Variants in UGT1A8 observed in about 807,000 individuals in gnomAD.
UGT1A8 encodes the protein UDP glucuronosyltransferase family 1 member A8.
In UGT1A8, 39 loss-of-function variants were observed where a neutral mutation model predicts 45.3. That is an observed-to-expected ratio of 0.86 (90% CI 0.67 to 1.12). The LOEUF (loss-of-function observed/expected upper bound fraction) is 1.12, where lower values mean the gene tolerates loss of function less well. Among genes scored for constraint, UGT1A8 ranks in the 50% most tolerant of loss-of-function variants. UGT1A8 has a pLI of 0.00. For missense variants in UGT1A8, 719 were observed against 664.9 expected (o/e 1.08, Z -0.90); for synonymous variants, 275 against 249.2 (o/e 1.10, Z -0.97).
Position 233,737,047 on chromosome 2 carries a change from C to G in UGT1A8, c.856-29987C>G, listed in dbSNP as rs559935020. On this transcript the variant is annotated intron_variant, in intron 1 of 4. Coordinates refer to ENST00000373450, the MANE Select transcript of UGT1A8 (RefSeq NM_019076.5). ...CCATTCTCAGAGCTCAAATGCCATA[C>G]TAGGAGAACGAGTGCTCTCTTCAGA... Among the ~76,000 whole-genome samples the G allele has an allele frequency of 2.6e-4, 39 of 152,330 alleles. No homozygotes were observed. In the South Asian group the frequency reaches 7.7e-3, roughly 30 times the overall value.
chr2:233,751,854 T>C (rs1435480079), intron 1 of UGT1A8, among the ~76,000 whole-genome samples: 3 of 152,196 alleles, frequency 2.0e-5, no homozygotes, highest in Non-Finnish European at 4.4e-5. Context: ...TAAACCTTTG[T>C]CTTTTATAAA....
chr2:233,713,041 T>C (rs2076272665), intron 1 of UGT1A8: 1 of 1,614,036 alleles, frequency 6.2e-7, no homozygotes, highest in South Asian at 1.1e-5. Flanking sequence ...ACAGGACTGC[T>C]GCTTCTCCTC....
chr2:233,770,833 T>C (rs1328938186), intron 4 of UGT1A8: 1 of 152,206 alleles, frequency 6.6e-6, no homozygotes, highest in Non-Finnish European at 1.5e-5. Context: ...TGCATTGCTG[T>C]AAAGAAATAC....
At chr2:233,637,480 C>G in intron 1 of UGT1A8, 2 of 1,498,182 alleles carry the variant, frequency 1.3e-6, no homozygotes, top group Non-Finnish European at 1.8e-6. Flanking sequence ...TGTTGCATTT[C>G]AAATTTCTTT....
At chr2:233,687,869 C>G (rs17863781) in intron 1 of UGT1A8, among the ~76,000 whole-genome samples, 2,937 of 152,304 alleles carry the variant, frequency 0.019, 59 homozygotes, top group Non-Finnish European at 0.028. Flanking sequence ...GACTATTCCA[C>G]TCCACTCCAG....
In UGT1A8 at chr2:233,725,005, C is replaced by T. The variant is rs1205607932; in HGVS notation, c.856-42029C>T. 3.6e-4 allele frequency among the ~76,000 whole-genome samples: 53 copies of T among 147,398 alleles called. 3 individuals carry two copies. The highest frequency in any genetic ancestry group is 1.3e-3 in the African/African-American group (50 of 39,416). The stretch of plus-strand genomic sequence containing the variant: ...CGCGGTTAGGGGCTGGAGACCGGCC[C>T]GGCCAAACAGCAAAACCCGGTCTCC... On this transcript the variant is annotated intron_variant, in intron 1 of 4. Transcript: ENST00000373450.
chr2:233,719,028 A>G (rs1032757626), intron 1 of UGT1A8: 1 of 1,614,250 alleles, frequency 6.2e-7, no homozygotes, highest in African/African-American at 1.3e-5. Context: ...TATGCACATC[A>G]AAGAAGAGAA....
At chr2:233,675,250 C>T (rs757802955) in intron 1 of UGT1A8, among the ~76,000 whole-genome samples, 9 of 152,178 alleles carry the variant, frequency 5.9e-5, no homozygotes, top group Non-Finnish European at 1.0e-4. Context: ...AGGGGACAAA[C>T]TTCTAAACTA....
intron 1 of UGT1A8, among the ~76,000 whole-genome samples, chr2:233,711,879 A>G (rs2076201589): frequency 6.6e-6 from 1 of 152,226 alleles, no homozygotes; most frequent in Non-Finnish European, 1.5e-5. Context: ...TTTCTGGAGC[A>G]GGACGAGTCT....
At chr2:233,688,797 A>G (rs2074913951) in intron 1 of UGT1A8, among the ~76,000 whole-genome samples, 1 of 152,202 alleles carries the variant, frequency 6.6e-6, no homozygotes, top group Non-Finnish European at 1.5e-5. Flanking sequence ...GAAGGCATTG[A>G]TTAGCTACAA....
chr2:233,699,226 C>T (rs367936374), intron 1 of UGT1A8, among the ~76,000 whole-genome samples: 5 of 152,180 alleles, frequency 3.3e-5, no homozygotes, highest in South Asian at 2.1e-4. Flanking sequence ...AAAACAAAAA[C>T]GAACTTTTGT....
At chr2:233,640,412 A>C (rs1341140638) in intron 1 of UGT1A8, among the ~76,000 whole-genome samples, 1 of 152,104 alleles carries the variant, frequency 6.6e-6, no homozygotes, top group Non-Finnish European at 1.5e-5. Context: ...AAATAAGTAA[A>C]ATTTGTTACA....
chr2:233,726,660 C>T (rs1324715982), intron 1 of UGT1A8, among the ~76,000 whole-genome samples: 1 of 152,178 alleles, frequency 6.6e-6, no homozygotes, highest in Non-Finnish European at 1.5e-5. Flanking sequence ...TTAATTTAAT[C>T]ATATCTGTGA....
rs112242313 is a variant in UGT1A8, at chr2:233,705,319, A to G, written c.856-61715A>G. Among the ~76,000 whole-genome samples the G allele has an allele frequency of 2.0e-3, 307 of 152,310 alleles. 1 individual carries two copies. Among genetic ancestry groups the G allele is most frequent in the Non-Finnish European group, 6.6e-4 (45 of 68,036 alleles). ...GTATTTCTTGTAAGTTGAGTTTTTC[A>G]GCAACACATTCTCTCAATTTTTGTC... On this transcript the variant is annotated intron_variant, in intron 1 of 4. Coordinates refer to ENST00000373450, the MANE Select transcript of UGT1A8 (RefSeq NM_019076.5).
At position 233,699,208 on chromosome 2, in the gene UGT1A8, A is replaced by G. The variant is rs75951571; in HGVS notation, c.856-67826A>G. On this transcript the variant is annotated intron_variant, in intron 1 of 4. Coordinates refer to ENST00000373450, the MANE Select transcript of UGT1A8 (RefSeq NM_019076.5). ...CTTCTTCAGAATCTCATGCTGTTGC[A>G]TGAAAAAAAAACAAAAACGAACTTT... Among the ~76,000 whole-genome samples the G allele has an allele frequency of 2.6e-5, 4 of 151,942 alleles. No homozygotes were observed. The East Asian group carries it at 5.8e-4, about 22-fold the overall frequency.
At chr2:233,673,576 G>A (rs993269062) in intron 1 of UGT1A8, among the ~76,000 whole-genome samples, 1 of 152,028 alleles carries the variant, frequency 6.6e-6, no homozygotes, top group Non-Finnish European at 1.5e-5. Flanking sequence ...GTGTCTTCCT[G>A]TTCAGGAATA....
At chr2:233,705,789 C>T (rs144194882) in intron 1 of UGT1A8, among the ~76,000 whole-genome samples, 360 of 152,188 alleles carry the variant, frequency 2.4e-3, no homozygotes, top group Non-Finnish European at 4.2e-3. Flanking sequence ...TGCAAAATGC[C>T]CCTTGTTCAA....
At chr2:233,747,235 C>G in intron 1 of UGT1A8, 2 of 1,604,608 alleles carry the variant, frequency 1.2e-6, no homozygotes. Flanking sequence ...ACCCCAGGTT[C>G]CCCTGCTGTG....
chr2:233,652,572 A>G (rs527936116), intron 1 of UGT1A8, among the ~76,000 whole-genome samples: 1 of 152,268 alleles, frequency 6.6e-6, no homozygotes, highest in African/African-American at 2.4e-5. Context: ...ATATTGTCTC[A>G]CTCATAATGC....
Sources: allele counts gnomAD v4.1 joint callset (sites outside exome capture counted in the v4.1 genomes callset), GRCh38; gene constraint gnomAD v4.1.1; transcripts MANE v1.5; gene names NCBI Gene and HGNC (gene_info 2026-07-23, HGNC 2026-07-21).